Variants in TOP1 observed in about 807,000 individuals in gnomAD.
TOP1 encodes DNA topoisomerase 1.
TOP1 carries 10 observed loss-of-function variants against 111.1 expected under a neutral mutation model. The ratio of observed to expected loss-of-function variants is 0.09; its 90% CI spans 0.06 to 0.15. The LOEUF is 0.15. Among genes scored for constraint, TOP1 ranks in the 10% least tolerant of loss-of-function variants. The probability of loss-of-function intolerance (pLI) is 1.00; values close to 1 mark genes in which losing one functional copy is unlikely to be tolerated. For synonymous variants in TOP1, 271 were observed against 302.9 expected (o/e 0.89, Z 1.10); for missense variants, 474 against 926.7 (o/e 0.51, Z 6.34).
rs768790841 is a variant in TOP1 at position 41,080,191 on chromosome 20, T to C, written c.431+11T>C. 6.5e-7 allele frequency: 1 copy of C among 1,527,812 alleles called. No individual in the cohort carries two copies. Among genetic ancestry groups the C allele is most frequent in the Non-Finnish European group, 8.9e-7 (1 of 1,117,932 alleles). The allele number at this position is 1,527,812 out of a possible 1,614,324, so 94.6% of individuals were successfully genotyped here. A position where few individuals can be genotyped will look rare whatever the true frequency, so the allele number is the denominator to read the frequency against. ...TCGAGATGAGGATGAGTGAGTATTT[T>C]CTTAAAACTTTGACTTTTGAAAACA... is the stretch of plus-strand genomic sequence containing the variant. On this transcript the variant is annotated intron_variant, in intron 6 of 20. Coordinates refer to ENST00000361337, the MANE Select transcript of TOP1 (RefSeq NM_003286.4). The surrounding 1 kb of genome is among the most constrained non-coding windows in gnomAD (Gnocchi z 5.0).
chr20:41,113,244 G>A (rs2145964606), intron 14 of TOP1, among the ~76,000 whole-genome samples: 1 of 152,000 alleles, frequency 6.6e-6, no homozygotes, highest in South Asian at 2.1e-4. Context: ...TGGTACTCAC[G>A]AGAAGAAAAA....
intron 2 of TOP1, among the ~76,000 whole-genome samples, chr20:41,043,663 C>G (rs1271149947): frequency 6.7e-6 from 1 of 150,036 alleles, no homozygotes; most frequent in East Asian, 1.9e-4. Flanking sequence ...TATGGCCAGA[C>G]AAAGTATGGT....
At chr20:41,111,598 CCCCCT>C (rs2034242151) in intron 13 of TOP1, among the ~76,000 whole-genome samples, 3 of 93,318 alleles carry the variant, frequency 3.2e-5, no homozygotes, top group South Asian at 7.7e-4. Flanking sequence ...CCACCCCCCG[CCCCCT>C]TTTTTTTTTT....
At position 41,069,748 on chromosome 20, in the gene TOP1, T is replaced by G. The variant is rs2033648336; in HGVS notation, c.156-6423T>G. On this transcript the variant is annotated intron_variant, in intron 3 of 20. Coordinates refer to ENST00000361337, the MANE Select transcript of TOP1 (RefSeq NM_003286.4). The surrounding 1 kb of genome is among the most constrained non-coding windows in gnomAD (Gnocchi z 4.1). ...TCAGTAGTTATTGATAGCATTCAAT[T>G]TGGAGCCCTGATATTTTCAATATTA... 1.3e-5 allele frequency among the ~76,000 whole-genome samples: 2 copies of G among 152,218 alleles called. No homozygotes were observed. The highest frequency in any genetic ancestry group is 6.5e-5 in the Admixed American group (1 of 15,282).
Position 41,078,946 on chromosome 20 carries a change from G to A in TOP1, c.336-1139G>A, listed in dbSNP as rs747920702. On this transcript the variant is annotated intron_variant, in intron 5 of 20. Coordinates refer to ENST00000361337, the MANE Select transcript of TOP1 (RefSeq NM_003286.4). This position sits in a 1 kb window ranked among gnomAD's most constrained non-coding sequence, Gnocchi z 5.3. Reference sequence around the variant, plus strand: ...ACCCTTCCCACAGTTTTTGTCTTCAGTGTGACAAACTTAGGATCTAGCATT... The same window carrying A: ...ACCCTTCCCACAGTTTTTGTCTTCAATGTGACAAACTTAGGATCTAGCATT... Among the ~76,000 whole-genome samples the A allele has an allele frequency of 8.6e-4, 131 of 152,274 alleles. No homozygotes were observed. The highest frequency in any genetic ancestry group is 6.8e-3 in the Middle Eastern group (2 of 294).
intron 9 of TOP1, among the ~76,000 whole-genome samples, chr20:41,093,033 C>A (rs1241413615): frequency 1.3e-5 from 2 of 152,214 alleles, no homozygotes; most frequent in Non-Finnish European, 2.9e-5. Flanking sequence ...AGTCTGCCAT[C>A]CATCTCTAGA....
At position 41,113,901 on chromosome 20, in the gene TOP1, A is replaced by G. The variant is rs545654269; in HGVS notation, c.1453-69A>G. ...TCTCAAAAAAAAAAAAAAAAAAAAC[A>G]CAGAACGAAATTGTGTAAGGATCAT... On this transcript the variant is annotated intron_variant, in intron 14 of 20. Transcript: ENST00000361337. 3.5e-4 allele frequency: 424 copies of G among 1,227,122 alleles called. No individual in the cohort carries two copies. The African/African-American group carries it at 5.4e-3, about 16-fold the overall frequency. 76.0% of individuals were successfully genotyped at this position (1,227,122 alleles called of 1,614,324 possible).
rs535371214 is a variant in TOP1, at chr20:41,032,669, T to C, written c.58+3214T>C. ...TCAGTCTTTAGTCTAAGAAGTGATA[T>C]ATAGGATCATGGTTTGACATCATCT... On this transcript the variant is annotated intron_variant, in intron 2 of 20. Transcript: ENST00000361337. The surrounding 1 kb of genome is among the most constrained non-coding windows in gnomAD (Gnocchi z 4.3). Among the ~76,000 whole-genome samples, 106 of 152,336 alleles carry C rather than the reference T, an allele frequency of 7.0e-4. No homozygotes were observed. Among genetic ancestry groups the C allele is most frequent in the Non-Finnish European group, 1.3e-3 (87 of 68,026 alleles).
At position 41,069,195 on chromosome 20, in the gene TOP1, C is replaced by T. The variant is rs143042917; in HGVS notation, c.156-6976C>T. On this transcript the variant is annotated intron_variant, in intron 3 of 20. Transcript: ENST00000361337. This position sits in a 1 kb window ranked among gnomAD's most constrained non-coding sequence, Gnocchi z 4.1. ...ATTTTAGGAATATGCACTTGAATTA[C>T]GCATCTAGTTCTCAGATTAGGGGAG... Among the ~76,000 whole-genome samples the T allele has an allele frequency of 3.6e-4, 55 of 152,282 alleles. No individual in the cohort carries two copies. Among genetic ancestry groups the T allele is most frequent in the Middle Eastern group, 6.8e-3 (2 of 294 alleles).
At position 41,029,517 on chromosome 20, in the gene TOP1, C is replaced by G. The variant is rs770594051; in HGVS notation, c.58+62C>G. ...AGCCGCCGGCCGCCTCCCCCGCGCC[C>G]TGCCGGTGCCGGGCAGAGGACAGAC... On this transcript the variant is annotated intron_variant, in intron 2 of 20. Coordinates refer to ENST00000361337, the MANE Select transcript of TOP1 (RefSeq NM_003286.4). The surrounding 1 kb of genome is among the most constrained non-coding windows in gnomAD (Gnocchi z 6.1). 7.3e-7 allele frequency: 1 copy of G among 1,376,294 alleles called. No individual in the cohort carries two copies. The highest frequency in any genetic ancestry group is 1.5e-5 in the African/African-American group (1 of 68,700). The allele number at this position is 1,376,294 out of a possible 1,614,324, so 85.3% of individuals were successfully genotyped here.
At chr20:41,053,623 A>G (rs189037885) in intron 2 of TOP1, among the ~76,000 whole-genome samples, 5 of 152,220 alleles carry the variant, frequency 3.3e-5, no homozygotes, top group African/African-American at 1.2e-4. Flanking sequence ...TTACCTTTAT[A>G]AAGAGTTTGT....
chr20:41,038,406 A>C (rs529632529), intron 2 of TOP1, among the ~76,000 whole-genome samples: 31 of 152,298 alleles, frequency 2.0e-4, no homozygotes, highest in Admixed American at 5.2e-4. Flanking sequence ...CAATGCTAAA[A>C]AACAACAACA....
intron 2 of TOP1, among the ~76,000 whole-genome samples, chr20:41,047,437 G>A (rs1022387752): frequency 2.0e-5 from 3 of 152,306 alleles, no homozygotes; most frequent in Admixed American, 6.5e-5. Flanking sequence ...TAGCCTAGGC[G>A]GTAGTAGGCT....
chr20:41,085,006 GA>G (rs1224313977), intron 8 of TOP1, among the ~76,000 whole-genome samples: 7 of 151,070 alleles, frequency 4.6e-5, no homozygotes, highest in African/African-American at 1.7e-4. Flanking sequence ...GACATAACCA[GA>G]GCCATAAGGA....
chr20:41,029,476 G>T lies in TOP1; in HGVS notation c.58+21G>T. The T allele has an allele frequency of 6.4e-7, 1 of 1,552,346 alleles. No homozygotes were observed. Among genetic ancestry groups the T allele is most frequent in the South Asian group, 1.2e-5 (1 of 84,904 alleles). On this transcript the variant is annotated intron_variant, in intron 2 of 20. Coordinates refer to ENST00000361337, the MANE Select transcript of TOP1 (RefSeq NM_003286.4). The surrounding 1 kb of genome is among the most constrained non-coding windows in gnomAD (Gnocchi z 6.1). Reference sequence around the variant, plus strand: ...GAATGGTGAGTGTGCCCCCTGCGCCGACTCCGGGGCCCCCCAGCCGCCGGC... The same window carrying T: ...GAATGGTGAGTGTGCCCCCTGCGCCTACTCCGGGGCCCCCCAGCCGCCGGC...
At chr20:41,120,798 G>A (rs1386497675) in intron 18 of TOP1, among the ~76,000 whole-genome samples, 1 of 152,174 alleles carries the variant, frequency 6.6e-6, no homozygotes, top group African/African-American at 2.4e-5. Context: ...CTGGAGTGCA[G>A]GGGCATGATC....
rs1342049577 is a variant in TOP1 at position 41,122,489 on chromosome 20, T to A, written c.2195+334T>A. Among the ~76,000 whole-genome samples, 2 of 152,040 alleles carry A rather than the reference T, an allele frequency of 1.3e-5. No homozygotes were observed. Among genetic ancestry groups the A allele is most frequent in the African/African-American group, 4.8e-5 (2 of 41,378 alleles). On this transcript the variant is annotated intron_variant, in intron 20 of 20. Coordinates refer to ENST00000361337, the MANE Select transcript of TOP1 (RefSeq NM_003286.4). The surrounding 1 kb of genome is among the most constrained non-coding windows in gnomAD (Gnocchi z 5.4). ...GGAAGAATAGGAAAGAGCCCATCCA[T>A]CTCTACACTTCAACAAAACTTTTCG...
At chr20:41,105,778 A>T (rs1215535630) in intron 13 of TOP1, among the ~76,000 whole-genome samples, 11 of 152,228 alleles carry the variant, frequency 7.2e-5, no homozygotes, top group Non-Finnish European at 1.5e-5. Context: ...TACAGGTGTT[A>T]GCCACCATAC....
rs972236492 is a variant in TOP1 at position 41,034,286 on chromosome 20, A to G, written c.58+4831A>G. 6.6e-6 allele frequency among the ~76,000 whole-genome samples: 1 copy of G among 152,188 alleles called. No individual in the cohort carries two copies. Among genetic ancestry groups the G allele is most frequent in the Non-Finnish European group, 1.5e-5 (1 of 68,036 alleles). On this transcript the variant is annotated intron_variant, in intron 2 of 20. Coordinates refer to ENST00000361337, the MANE Select transcript of TOP1 (RefSeq NM_003286.4). This position sits in a 1 kb window ranked among gnomAD's most constrained non-coding sequence, Gnocchi z 4.0. Reference sequence around the variant, plus strand: ...ATATTTGGAACTGTCTTTTCTCCCTATTTCCATGCCTCATACATCTCAAGT... The same window carrying G: ...ATATTTGGAACTGTCTTTTCTCCCTGTTTCCATGCCTCATACATCTCAAGT...
Sources: gnomAD v4.1 joint callset for allele counts (sites outside exome capture counted in the v4.1 genomes callset) on GRCh38, gnomAD v4.1.1 for gene constraint, Gnocchi (gnomAD v3.1) non-coding constraint, MANE v1.5 for transcripts, NCBI Gene and HGNC (gene_info 2026-07-23, HGNC 2026-07-21) for gene names.